The following SLC5A8 variants were observed in gnomAD, a reference collection of about 807,000 sequenced individuals.
SLC5A8 encodes the protein solute carrier family 5 member 8.
Under a neutral mutation model 71.9 loss-of-function variants are expected in SLC5A8, and 55 were observed. The ratio of observed to expected loss-of-function variants is 0.77; its 90% confidence interval spans 0.62 to 0.96. The LOEUF (loss-of-function observed/expected upper bound fraction) is 0.96. Among genes scored for constraint, SLC5A8 ranks in the 40% least tolerant of loss-of-function variants. The pLI, the probability that SLC5A8 is intolerant of heterozygous loss-of-function variation, is 0.00. For synonymous variants in SLC5A8, 307 were observed against 276.1 expected (o/e 1.11, Z -1.11); for missense variants, 701 against 745.3 (o/e 0.94, Z 0.69).
chr12:101,206,642 C>T (rs916039822), intron 1 of SLC5A8, among the ~76,000 whole-genome samples: 5 of 152,310 alleles, frequency 3.3e-5, no homozygotes, highest in East Asian at 1.9e-4. Context: ...ACTTGTAAGA[C>T]TTCTAGACAT....
At chr12:101,174,026 A>G (rs1383827213) in intron 10 of SLC5A8, among the ~76,000 whole-genome samples, 1 of 152,208 alleles carries the variant, frequency 6.6e-6, no homozygotes, top group African/African-American at 2.4e-5. Context: ...ACAGAGGCAC[A>G]GACAAAGTAT....
In SLC5A8 at chr12:101,193,619, A is replaced by G. The variant is rs746263876; in HGVS notation, c.692+6T>C. The G allele has an allele frequency of 1.1e-5, 18 of 1,612,654 alleles. No homozygotes were observed. Among genetic ancestry groups the G allele is most frequent in the Non-Finnish European group, 1.4e-5 (16 of 1,179,470 alleles). On this transcript the variant is annotated splice_donor_region_variant and intron_variant, in intron 5 of 14. Coordinates refer to ENST00000536262, the MANE Select transcript of SLC5A8 (RefSeq NM_145913.5). ...GTGTTCAGTTACCCAAGTACTAGAC[A>G]CTTACTTCCAGAAATTTAATCTTCC...
intron 10 of SLC5A8, among the ~76,000 whole-genome samples, chr12:101,175,718 G>A (rs1227090232): frequency 6.6e-6 from 1 of 151,984 alleles, no homozygotes; most frequent in Non-Finnish European, 1.5e-5. Flanking sequence ...AAATGATAGA[G>A]ACAAAAAGAA....
At chr12:101,158,209 G>C in intron 14 of SLC5A8, 40 bp downstream of exon 14, 3 of 1,374,884 alleles carry the variant, frequency 2.2e-6, no homozygotes, top group Non-Finnish European at 3.1e-6. Flanking sequence ...AGGTAATAAA[G>C]CCCAGTTTCC....
intron 12 of SLC5A8, among the ~76,000 whole-genome samples, chr12:101,164,175 A>T (rs916825785): frequency 6.6e-6 from 1 of 152,230 alleles, no homozygotes; most frequent in Admixed American, 6.5e-5. Context: ...AAGAGTAAAA[A>T]GGTAACCCAT....
chr12:101,200,344 C>T (rs1460800644), intron 3 of SLC5A8, among the ~76,000 whole-genome samples: 15 of 151,976 alleles, frequency 9.9e-5, no homozygotes, highest in Admixed American at 7.9e-4. Flanking sequence ...AAAACTCATC[C>T]AACTGTACAC....
In SLC5A8 at chr12:101,193,779, C is replaced by G; in HGVS notation, c.538G>C (p.Gly180Arg). The G allele has an allele frequency of 6.2e-7, 1 of 1,613,716 alleles. No individual in the cohort carries two copies. The highest frequency in any genetic ancestry group is 1.1e-5 in the South Asian group (1 of 91,008). The change falls in exon 5 of 15, where the codon GGT becomes CGT. Residue 180 changes from glycine (G) to arginine (R), a missense_variant and splice_region_variant. Transcript: ENST00000536262. Reference sequence around the variant, plus strand: ...GTCCAGATAACTGCTTTAAGACCACCCTTTGAGGGGAAAGTATATTAGGAT... The same window carrying G: ...GTCCAGATAACTGCTTTAAGACCACGCTTTGAGGGGAAAGTATATTAGGAT... ...GVVCTFYCTL[G>R]GLKAVIWTDV... is the part of the protein sequence containing the mutation.
intron 8 of SLC5A8, among the ~76,000 whole-genome samples, chr12:101,183,177 C>G (rs766338123): frequency 4.0e-4 from 61 of 151,368 alleles, no homozygotes; most frequent in Non-Finnish European, 7.7e-4. Flanking sequence ...TCCCAAGTAG[C>G]TGGGACTACA....
chr12:101,172,906 G>C (rs1005152450), intron 10 of SLC5A8, among the ~76,000 whole-genome samples: 1 of 152,146 alleles, frequency 6.6e-6, no homozygotes, highest in Non-Finnish European at 1.5e-5. Context: ...TCTGTTCCAA[G>C]GTCTCCCAGT....
intron 6 of SLC5A8, among the ~76,000 whole-genome samples, chr12:101,188,770 G>A (rs1433873081): frequency 6.6e-6 from 1 of 152,190 alleles, no homozygotes; most frequent in Non-Finnish European, 1.5e-5. Flanking sequence ...GACTAACATT[G>A]CAGTATGTTT....
At chr12:101,195,236 G>T in intron 3 of SLC5A8, 74 bp from the exon 4 acceptor site, 1 of 1,506,722 alleles carries the variant, frequency 6.6e-7, no homozygotes, top group Non-Finnish European at 9.1e-7. Flanking sequence ...AATCATCAGA[G>T]AAGGAAGCTA....
chr12:101,189,246 A>G (rs755360421), intron 6 of SLC5A8, among the ~76,000 whole-genome samples: 1 of 152,174 alleles, frequency 6.6e-6, no homozygotes, highest in Non-Finnish European at 1.5e-5. Flanking sequence ...CTATCTATAA[A>G]TTACATTCCT....
chr12:101,186,259 T>G (rs1162036161), intron 7 of SLC5A8, among the ~76,000 whole-genome samples: 4 of 152,030 alleles, frequency 2.6e-5, no homozygotes, highest in African/African-American at 9.7e-5. Flanking sequence ...TAAACGTGAT[T>G]CTTACCTTCT....
At chr12:101,178,845 A>C (rs1388954435) in intron 10 of SLC5A8, among the ~76,000 whole-genome samples, 3 of 152,066 alleles carry the variant, frequency 2.0e-5, no homozygotes, top group African/African-American at 7.2e-5. Flanking sequence ...GCACTTTGAC[A>C]GACCCTGTTA....
chr12:101,187,593 A>G (rs1330026770), intron 6 of SLC5A8, 78 bp from the exon 7 acceptor site: 6 of 1,439,022 alleles, frequency 4.2e-6, no homozygotes, highest in Non-Finnish European at 5.6e-6. Context: ...TACATGATCA[A>G]AAGAGACCTT....
intron 3 of SLC5A8, among the ~76,000 whole-genome samples, chr12:101,197,761 TC>T (rs1221149987): frequency 3.3e-5 from 5 of 152,054 alleles, no homozygotes; most frequent in Non-Finnish European, 4.4e-5. Flanking sequence ...TTAGCATCCT[TC>T]TCTCAGCAAT....
chr12:101,193,600 A>G, intron 5 of SLC5A8, 25 bp downstream of exon 5: 1 of 1,594,228 alleles, frequency 6.3e-7, no homozygotes, highest in Non-Finnish European at 8.5e-7. Context: ...AGATGTGTTC[A>G]GTTACCCAAG....
intron 10 of SLC5A8, among the ~76,000 whole-genome samples, chr12:101,178,857 G>C (rs150905874): frequency 5.3e-5 from 8 of 150,380 alleles, no homozygotes; most frequent in Non-Finnish European, 7.4e-5. Context: ...ACCCTGTTAT[G>C]AGGATAAAAA....
At chr12:101,182,649 T>C (rs1868420995) in intron 9 of SLC5A8, among the ~76,000 whole-genome samples, 154 bp downstream of exon 9, 1 of 152,206 alleles carries the variant, frequency 6.6e-6, no homozygotes, top group African/African-American at 2.4e-5. Context: ...GATACAAACA[T>C]TTTTTAAAAA....
Sources: gnomAD v4.1 joint callset for allele counts (sites outside exome capture counted in the v4.1 genomes callset) on GRCh38, gnomAD v4.1.1 for gene constraint, MANE v1.5 for transcripts, NCBI Gene and HGNC (gene_info 2026-07-23, HGNC 2026-07-21) for gene names.